KATNAL2: variants seen among roughly 807,000 people sequenced by gnomAD.
The protein encoded by KATNAL2 is katanin catalytic subunit A1 like 2, also known as katanin p60 ATPase-containing subunit A-like 2.
Under a neutral mutation model 76.3 loss-of-function variants are expected in KATNAL2, and 52 were observed. The observed-to-expected ratio is 0.68, with a 90% CI of 0.55 to 0.86. The LOEUF (loss-of-function observed/expected upper bound fraction) is 0.86, where lower values mean the gene tolerates loss of function less well. KATNAL2 is among the 40% of genes least tolerant of loss of function. The pLI, the probability that KATNAL2 is intolerant of heterozygous loss-of-function variation, is 0.00. For synonymous variants in KATNAL2, 243 were observed against 244.2 expected (o/e 1.00, Z 0.05); for missense variants, 660 against 668.9 (o/e 0.99, Z 0.15).
At chr18:47,046,382 A>G (rs2061157333) in intron 3 of KATNAL2, 75 bp from the exon 4 acceptor site, 1 of 1,000,776 alleles carries the variant, frequency 1.0e-6, no homozygotes. Context: ...GGTTACATTT[A>G]CCTTCCAGGG....
In KATNAL2 at chr18:47,033,768, C is replaced by T. The variant is rs57122108; in HGVS notation, c.52-12689C>T. 6.6e-3 allele frequency: 10,647 copies of T among 1,614,200 alleles called. 447 individuals carry two copies. In the African/African-American group the frequency reaches 0.11, roughly 16 times the overall value. ...CTCTGCGTCCAGGGAAAGCAGCTTC[C>T]TCCCGGAACTTTGGTGAAGAGAGTG... On this transcript the variant is annotated intron_variant, in intron 3 of 17. Coordinates refer to ENST00000683218, the MANE Select transcript of KATNAL2 (RefSeq NM_001387690.1).
chr18:47,052,170 G>A (rs2061356952), intron 4 of KATNAL2, among the ~76,000 whole-genome samples: 1 of 152,178 alleles, frequency 6.6e-6, no homozygotes, highest in South Asian at 2.1e-4. Context: ...TTGAGACACA[G>A]CCCTTGCTTC....
At chr18:47,034,689 T>A (rs769594320) in intron 3 of KATNAL2, 2 of 1,613,076 alleles carry the variant, frequency 1.2e-6, no homozygotes. Context: ...CTCTTCCGGG[T>A]TGCTTCCCGG....
intron 4 of KATNAL2, among the ~76,000 whole-genome samples, chr18:47,048,124 A>G (rs1024548010): frequency 1.4e-4 from 22 of 152,194 alleles, no homozygotes; most frequent in Non-Finnish European, 2.9e-4. Context: ...GCCAAATGCC[A>G]TCTGACGCAC....
At chr18:47,079,362 T>G (rs1397388918) in intron 15 of KATNAL2, among the ~76,000 whole-genome samples, 1 of 152,176 alleles carries the variant, frequency 6.6e-6, no homozygotes, top group Non-Finnish European at 1.5e-5. Flanking sequence ...GGTCATTCCC[T>G]TAAGTCTCTT....
chr18:47,032,026 A>T (rs1371594765), intron 3 of KATNAL2, among the ~76,000 whole-genome samples: 2 of 152,154 alleles, frequency 1.3e-5, no homozygotes, highest in African/African-American at 4.8e-5. Context: ...AAGGTAGTTA[A>T]CCCGGTCCTT....
At chr18:47,066,096 T>TA (rs2061784495) in intron 10 of KATNAL2, among the ~76,000 whole-genome samples, 1 of 151,776 alleles carries the variant, frequency 6.6e-6, no homozygotes, top group South Asian at 2.1e-4. Context: ...CACCAGCATT[T>TA]AAAAAATGTA....
rs761613978 is a variant in KATNAL2, at chr18:47,067,074, T to C, written c.780T>C (p.Asp260=). Residue 260 remains aspartate, a synonymous_variant, in exon 11 of 18, where the codon GAT becomes GAC. Coordinates refer to ENST00000683218, the MANE Select transcript of KATNAL2 (RefSeq NM_001387690.1). ...AGTGGAATGACATTATTGGACTTGATGCAGCCAAGCAGTTAGTCAAAGAAG... is the reference window on the plus strand; with the variant it reads ...AGTGGAATGACATTATTGGACTTGACGCAGCCAAGCAGTTAGTCAAAGAAG... ...NIKWNDIIGL[D]AAKQLVKEAV... The C allele has an allele frequency of 3.4e-5, 54 of 1,588,224 alleles. No individual in the cohort carries two copies. The highest frequency in any genetic ancestry group is 1.5e-4 in the Admixed American group (9 of 59,454).
At chr18:47,034,382 G>A (rs1181612495) in intron 3 of KATNAL2, 2 of 1,614,068 alleles carry the variant, frequency 1.2e-6, no homozygotes, top group East Asian at 2.2e-5. Flanking sequence ...TCCAAGGCAG[G>A]GACACGCTGG....
At chr18:46,952,620 C>T (rs1028184981) in intron 3 of KATNAL2, among the ~76,000 whole-genome samples, 5 of 152,058 alleles carry the variant, frequency 3.3e-5, no homozygotes, top group Admixed American at 6.5e-5. Flanking sequence ...AGGCTGATCT[C>T]GAACTCCTGA....
chr18:47,076,759 C>A (rs549230819), intron 14 of KATNAL2, among the ~76,000 whole-genome samples: 1 of 148,052 alleles, frequency 6.8e-6, no homozygotes, highest in African/African-American at 2.5e-5. Flanking sequence ...TGGGCAAATG[C>A]TAATTATATA....
intron 15 of KATNAL2, among the ~76,000 whole-genome samples, chr18:47,085,812 C>G (rs2062746393): frequency 6.6e-6 from 1 of 151,980 alleles, no homozygotes; most frequent in South Asian, 2.1e-4. Flanking sequence ...ATAAAAGATA[C>G]TATTTGCAGG....
At chr18:47,034,296 C>G in intron 3 of KATNAL2, 4 of 1,613,570 alleles carry the variant, frequency 2.5e-6, no homozygotes, top group Non-Finnish European at 3.4e-6. Context: ...TTCCTGGGTC[C>G]CGGCCGTCTA....
At chr18:46,959,233 G>T (rs886658596) in intron 3 of KATNAL2, among the ~76,000 whole-genome samples, 1 of 152,140 alleles carries the variant, frequency 6.6e-6, no homozygotes, top group Non-Finnish European at 1.5e-5. Context: ...TAACCATAAA[G>T]CTAAGCTGAA....
intron 15 of KATNAL2, among the ~76,000 whole-genome samples, chr18:47,081,525 C>G (rs1334364913): frequency 6.6e-6 from 1 of 152,182 alleles, no homozygotes; most frequent in Non-Finnish European, 1.5e-5. Flanking sequence ...TTTGGAATAA[C>G]TGGGTTTCAA....
intron 3 of KATNAL2, among the ~76,000 whole-genome samples, chr18:46,962,036 T>G (rs2059989125): frequency 6.6e-6 from 1 of 152,196 alleles, no homozygotes; most frequent in African/African-American, 2.4e-5. Flanking sequence ...TGTATGTTAG[T>G]CCTTCCAAAA....
At chr18:46,932,112 T>C (rs1313964698) in intron 1 of KATNAL2, among the ~76,000 whole-genome samples, 18 of 151,930 alleles carry the variant, frequency 1.2e-4, no homozygotes, top group South Asian at 2.1e-4. Context: ...AGGGTTTCAC[T>C]GTGTTAGCCA....
intron 15 of KATNAL2, among the ~76,000 whole-genome samples, chr18:47,093,360 T>G (rs1350040432): frequency 6.6e-6 from 1 of 152,078 alleles, no homozygotes; most frequent in East Asian, 1.9e-4. Flanking sequence ...AAAGTTTTCT[T>G]GAATGATTTC....
intron 2 of KATNAL2, 91 bp downstream of exon 2, chr18:46,946,637 C>A: frequency 1.2e-6 from 1 of 836,148 alleles, no homozygotes; most frequent in Non-Finnish European, 1.4e-6. Flanking sequence ...ACAATCTTCC[C>A]TCTTCGATCT....
Sources: gnomAD v4.1 joint callset for allele counts (sites outside exome capture counted in the v4.1 genomes callset) on GRCh38, gnomAD v4.1.1 for gene constraint, MANE v1.5 for transcripts, NCBI Gene and HGNC (gene_info 2026-07-23, HGNC 2026-07-21) for gene names.